ZNF189: variants seen among roughly 807,000 people sequenced by gnomAD.
ZNF189 encodes zinc finger protein 189.
Under a neutral mutation model 53.5 loss-of-function variants are expected in ZNF189, and 33 were observed. That is an observed-to-expected ratio of 0.62 (90% CI 0.47 to 0.82). The LOEUF is 0.82. ZNF189 is among the 40% of genes least tolerant of loss of function. ZNF189 has a pLI of 0.00. For missense variants in ZNF189, 711 were observed against 753.9 expected, an observed-to-expected ratio of 0.94 and a Z score of 0.67; for synonymous variants, 247 against 238.8, an observed-to-expected ratio of 1.03 and a Z score of -0.32.
chr9:101,401,128 C>G (rs1445965722), intron 2 of ZNF189, among the ~76,000 whole-genome samples: 1 of 152,192 alleles, frequency 6.6e-6, no homozygotes, highest in Non-Finnish European at 1.5e-5. Flanking sequence ...ACCCAAATTG[C>G]TAAACATAGC....
intron 2 of ZNF189, among the ~76,000 whole-genome samples, chr9:101,403,281 A>C (rs543961381): frequency 6.6e-6 from 1 of 152,096 alleles, no homozygotes. Flanking sequence ...CCCACAGATG[A>C]TCTTCTACTT....
chr9:101,409,811 C>A lies in ZNF189; in HGVS notation c.*162C>A. On this transcript the variant is annotated 3_prime_UTR_variant, in exon 3 of 3. Transcript: ENST00000339664. Reference sequence around the variant, plus strand: ...TGAATAGTGGACAACTGCCCATGAGCATTTGACTTCCCTTACTCTTTGATG... The same window carrying A: ...TGAATAGTGGACAACTGCCCATGAGAATTTGACTTCCCTTACTCTTTGATG... The A allele has an allele frequency of 1.4e-6, 1 of 702,156 alleles. No homozygotes were observed. Among genetic ancestry groups the A allele is most frequent in the Non-Finnish European group, 2.3e-6 (1 of 441,148 alleles). 43.5% of individuals were successfully genotyped at this position (702,156 alleles called of 1,614,324 possible). A position where few individuals can be genotyped will look rare whatever the true frequency, so the allele number is the denominator to read the frequency against.
chr9:101,403,213 C>T (rs1409328918), intron 2 of ZNF189, among the ~76,000 whole-genome samples: 1 of 152,068 alleles, frequency 6.6e-6, no homozygotes, highest in Non-Finnish European at 1.5e-5. Flanking sequence ...GTGCCTGGCC[C>T]TGCCTTCTCC....
At chr9:101,399,562 T>C (rs1345383178) in intron 1 of ZNF189, 3 of 1,278,782 alleles carry the variant, frequency 2.3e-6, no homozygotes, top group African/African-American at 3.1e-5. Flanking sequence ...AGGAATTGAA[T>C]TGAATAGAGT....
At chr9:101,402,248 T>A (rs1830564576) in intron 2 of ZNF189, among the ~76,000 whole-genome samples, 1 of 151,836 alleles carries the variant, frequency 6.6e-6, no homozygotes, top group African/African-American at 2.4e-5. Context: ...AAAGGTAATG[T>A]GGAGCCTAAC....
Position 101,409,671 on chromosome 9 carries a change from C to T in ZNF189, c.*22C>T, listed in dbSNP as rs764014416. On this transcript the variant is annotated 3_prime_UTR_variant, in exon 3 of 3. Coordinates refer to ENST00000339664, the MANE Select transcript of ZNF189 (RefSeq NM_003452.4). ...ATAAATGTAGAGCAATACATAAGCT[C>T]AATTTGATTTGAGACTAGTACCCAA... The T allele has an allele frequency of 2.7e-5, 43 of 1,566,798 alleles. No individual in the cohort carries two copies. In the South Asian group the frequency reaches 4.8e-4, roughly 18 times the overall value.
intron 1 of ZNF189, chr9:101,399,573 C>A (rs938435313): frequency 2.4e-5 from 31 of 1,291,906 alleles, no homozygotes; most frequent in African/African-American, 4.6e-5. Flanking sequence ...TGAATAGAGT[C>A]ACAAGCCAGT....
intron 2 of ZNF189, among the ~76,000 whole-genome samples, chr9:101,407,128 T>C (rs1830743489): frequency 6.6e-6 from 1 of 152,172 alleles, no homozygotes; most frequent in African/African-American, 2.4e-5. Context: ...TTATTATTGT[T>C]TTTAAAAGCC....
In ZNF189 at chr9:101,398,864, C is replaced by G. The variant is rs893926367; in HGVS notation, c.-293C>G. On this transcript the variant is annotated 5_prime_UTR_variant, in exon 1 of 3. Transcript: ENST00000339664. ...CCGGGGGCGGGCGGTCATAGCGTTA[C>G]TTGGCTGCAAGGAGGAGGAACTGGC... 1.8e-6 allele frequency: 1 copy of G among 568,650 alleles called. No individual in the cohort carries two copies. Among genetic ancestry groups the G allele is most frequent in the South Asian group, 2.0e-5 (1 of 50,064 alleles). 35.2% of individuals were successfully genotyped at this position (568,650 alleles called of 1,614,324 possible).
chr9:101,408,035 T>A lies in ZNF189; in HGVS notation c.267T>A (p.Ser89Arg). Residue 89 changes from serine to arginine, a missense_variant, in exon 3 of 3, where the codon AGT (serine) becomes AGA (arginine). Transcript: ENST00000339664. ...GTGTAATAGTTACAAGAATCAAAAGTGAAATTGACCAGGATCCTATGGGTA... is the reference window on the plus strand; with the variant it reads ...GTGTAATAGTTACAAGAATCAAAAGAGAAATTGACCAGGATCCTATGGGTA... ...PQGVIVTRIK[S>R]EIDQDPMGRE... The A allele has an allele frequency of 6.2e-7, 1 of 1,613,688 alleles. No homozygotes were observed. The highest frequency in any genetic ancestry group is 8.5e-7 in the Non-Finnish European group (1 of 1,179,910).
At chr9:101,399,289 C>G in intron 1 of ZNF189, 100 bp downstream of exon 1, 1 of 1,428,610 alleles carries the variant, frequency 7.0e-7, no homozygotes, top group Non-Finnish European at 9.3e-7. Context: ...ACCTCCTGAC[C>G]GCCTCTTTAG....
intron 2 of ZNF189, 61 bp downstream of exon 2, chr9:101,400,071 C>G: frequency 6.3e-7 from 1 of 1,587,296 alleles, no homozygotes; most frequent in Non-Finnish European, 8.6e-7. Context: ...ATCAGACTAA[C>G]AGAACATTTG....
At position 101,399,168 on chromosome 9, in the gene ZNF189, G is replaced by A. The variant is rs61755098; in HGVS notation, c.12G>A (p.Pro4=). The A allele has an allele frequency of 0.057, 90,908 of 1,589,692 alleles. 3,081 individuals are homozygous for A. Among genetic ancestry groups the A allele is most frequent in the Middle Eastern group, 0.14 (824 of 5,988 alleles). The part of the protein sequence containing the change: MAS[P]SPPPESKGLL... ...TCTCTGCCTGGGAGATGGCTTCCCC[G>A]AGCCCCCCGCCGGAGTCGAAGGTAA... is the stretch of plus-strand genomic sequence containing the variant. The change falls in exon 1 of 3, where the codon CCG becomes CCA. Residue 4 remains proline, a synonymous_variant. Transcript: ENST00000339664.
In ZNF189 at chr9:101,408,957, G is replaced by A; in HGVS notation, c.1189G>A (p.Asp397Asn). 1.2e-6 allele frequency: 2 copies of A among 1,613,976 alleles called. No homozygotes were observed. The highest frequency in any genetic ancestry group is 1.7e-6 in the Non-Finnish European group (2 of 1,179,974). ...TCGTCATCAGAGAATTCACACAGGA[G>A]ACAAGCCCCATAAATGTGAGGAATG... ...LTRHQRIHTG[D>N]KPHKCEECGK... Residue 397 changes from aspartate (D) to asparagine (N), a missense_variant, in exon 3 of 3, where the codon GAC becomes AAC. Coordinates refer to ENST00000339664, the MANE Select transcript of ZNF189 (RefSeq NM_003452.4).
In ZNF189 at chr9:101,409,778, A is replaced by C. The variant is rs1192334207; in HGVS notation, c.*129A>C. The C allele has an allele frequency of 9.2e-7, 1 of 1,081,612 alleles. No homozygotes were observed. Among genetic ancestry groups the C allele is most frequent in the Admixed American group, 3.0e-5 (1 of 33,132 alleles). 67.0% of individuals were successfully genotyped at this position (1,081,612 alleles called of 1,614,324 possible). ...TTGGCCTCAGGCAAATAGTTTCTAA[A>C]GATTCTGTGAATAGTGGACAACTGC... On this transcript the variant is annotated 3_prime_UTR_variant, in exon 3 of 3. Coordinates refer to ENST00000339664, the MANE Select transcript of ZNF189 (RefSeq NM_003452.4).
At chr9:101,401,676 C>T (rs1830538578) in intron 2 of ZNF189, among the ~76,000 whole-genome samples, 1 of 152,162 alleles carries the variant, frequency 6.6e-6, no homozygotes, top group African/African-American at 2.4e-5. Context: ...TGTGTCTGAG[C>T]CCCTTTGTCT....
At chr9:101,400,086 G>A in intron 2 of ZNF189, 76 bp downstream of exon 2, 2 of 1,557,552 alleles carry the variant, frequency 1.3e-6, no homozygotes, top group South Asian at 1.2e-5. Context: ...CATTTGGACG[G>A]AAACCAGTAC....
At chr9:101,401,518 C>G (rs1016413596) in intron 2 of ZNF189, among the ~76,000 whole-genome samples, 2 of 152,146 alleles carry the variant, frequency 1.3e-5, no homozygotes, top group Non-Finnish European at 2.9e-5. Flanking sequence ...AACTCTTCAA[C>G]AGGAGAAAAG....
intron 1 of ZNF189, 54 bp downstream of exon 1, chr9:101,399,243 G>C (rs1202499934): frequency 2.0e-6 from 3 of 1,496,546 alleles, no homozygotes; most frequent in Non-Finnish European, 2.7e-6. Flanking sequence ...CCCCAGCTAG[G>C]CCGCACCACT....
Sources: allele counts gnomAD v4.1 joint callset (sites outside exome capture counted in the v4.1 genomes callset), GRCh38; gene constraint gnomAD v4.1.1; transcripts MANE v1.5; gene names NCBI Gene and HGNC (gene_info 2026-07-23, HGNC 2026-07-21).